ANKRD55: variants seen among roughly 807,000 people sequenced by gnomAD.
The protein encoded by ANKRD55 is ankyrin repeat domain 55.
In ANKRD55, 41 loss-of-function variants were observed where a neutral mutation model predicts 60.6. The ratio of observed to expected loss-of-function variants is 0.68; its 90% CI spans 0.53 to 0.88. ANKRD55 has a LOEUF of 0.88. Ranked by LOEUF, ANKRD55 falls within the 40% of genes least tolerant of loss-of-function variation. ANKRD55 has a pLI of 0.00. For synonymous variants in ANKRD55, 264 were observed against 290.3 expected, an observed-to-expected ratio of 0.91 and a Z score of 0.92; for missense variants, 732 against 767.6, an observed-to-expected ratio of 0.95 and a Z score of 0.55.
chr5:56,101,479 C>G (rs1190362786), intron 11 of ANKRD55, among the ~76,000 whole-genome samples: 1 of 152,048 alleles, frequency 6.6e-6, no homozygotes, highest in Admixed American at 6.6e-5. Flanking sequence ...GTAAGTATTG[C>G]TTATTTCATG....
chr5:56,203,349 A>ATTT (rs1416842335), intron 2 of ANKRD55, among the ~76,000 whole-genome samples: 1 of 151,982 alleles, frequency 6.6e-6, no homozygotes. Flanking sequence ...ATTTAATTTA[A>ATTT]TTTTATTATT....
chr5:56,154,411 A>G (rs1758140964), intron 6 of ANKRD55, among the ~76,000 whole-genome samples: 1 of 152,138 alleles, frequency 6.6e-6, no homozygotes, highest in Non-Finnish European at 1.5e-5. Flanking sequence ...TAATGAATGA[A>G]AAAGAAAGCC....
chr5:56,104,110 A>T (rs1300146246), intron 10 of ANKRD55, among the ~76,000 whole-genome samples: 3 of 152,238 alleles, frequency 2.0e-5, no homozygotes, highest in Non-Finnish European at 2.9e-5. Context: ...ATCCATGAAC[A>T]CTTGAGCAGA....
At chr5:56,149,328 TCTCA>T (rs771501652) in intron 6 of ANKRD55, among the ~76,000 whole-genome samples, 7 of 152,160 alleles carry the variant, frequency 4.6e-5, no homozygotes, top group Non-Finnish European at 1.0e-4. Flanking sequence ...CTTTAAAAAC[TCTCA>T]CTTTCTCCCT....
intron 6 of ANKRD55, among the ~76,000 whole-genome samples, chr5:56,148,219 T>G (rs1183570993): frequency 3.3e-5 from 5 of 152,192 alleles, no homozygotes; most frequent in Non-Finnish European, 4.4e-5. Context: ...GTGTCCAAGT[T>G]ATGGAGACCT....
chr5:56,164,318 T>C (rs1239420410), intron 5 of ANKRD55, among the ~76,000 whole-genome samples: 1 of 151,554 alleles, frequency 6.6e-6, no homozygotes, highest in Non-Finnish European at 1.5e-5. Context: ...CAGTGACAGG[T>C]GGGAAAAAAT....
intron 4 of ANKRD55, among the ~76,000 whole-genome samples, chr5:56,173,578 C>CTATATATA (rs1211689978): frequency 1.4e-4 from 10 of 71,662 alleles, no homozygotes; most frequent in South Asian, 6.3e-4. Context: ...CTCTCTCTCT[C>CTATATATA]TCTCTATATA....
At chr5:56,230,112 T>A (rs571735695) in intron 2 of ANKRD55, among the ~76,000 whole-genome samples, 1 of 152,306 alleles carries the variant, frequency 6.6e-6, no homozygotes, top group South Asian at 2.1e-4. Context: ...TTTTCTTTTT[T>A]TTGAGACAGA....
intron 11 of ANKRD55, 132 bp from the exon 12 acceptor site, chr5:56,100,436 G>A: frequency 9.5e-7 from 1 of 1,053,206 alleles, no homozygotes; most frequent in Non-Finnish European, 1.4e-6. Context: ...CTAGACTGCA[G>A]AGAGAAGCTG....
intron 6 of ANKRD55, among the ~76,000 whole-genome samples, chr5:56,148,217 G>C (rs1238510216): frequency 6.6e-6 from 1 of 152,212 alleles, no homozygotes; most frequent in Non-Finnish European, 1.5e-5. Context: ...CTGTGTCCAA[G>C]TTATGGAGAC....
intron 8 of ANKRD55, among the ~76,000 whole-genome samples, chr5:56,124,099 C>A (rs1242368526): frequency 6.6e-6 from 1 of 152,130 alleles, no homozygotes; most frequent in Non-Finnish European, 1.5e-5. Flanking sequence ...CAGAGAATTC[C>A]CAGAAATACA....
chr5:56,144,718 C>T (rs1424035387), intron 6 of ANKRD55, among the ~76,000 whole-genome samples: 1 of 152,156 alleles, frequency 6.6e-6, no homozygotes, highest in African/African-American at 2.4e-5. Context: ...GAGAACAGAG[C>T]TGGATAAATG....
At chr5:56,135,271 C>T (rs879823321) in intron 7 of ANKRD55, among the ~76,000 whole-genome samples, 1,902 of 120,688 alleles carry the variant, frequency 0.016, 90 homozygotes, top group Middle Eastern at 0.082. Flanking sequence ...TCTTTCCCTC[C>T]CTCCCTCCCT....
chr5:56,105,123 G>C (rs1756417203), intron 10 of ANKRD55, among the ~76,000 whole-genome samples: 1 of 144,056 alleles, frequency 6.9e-6, no homozygotes, highest in Admixed American at 7.3e-5. Flanking sequence ...GTCTCACTCT[G>C]TTTCTCAGGA....
At chr5:56,164,349 C>G (rs1758400257) in intron 5 of ANKRD55, among the ~76,000 whole-genome samples, 1 of 152,034 alleles carries the variant, frequency 6.6e-6, no homozygotes, top group South Asian at 2.1e-4. Context: ...CCAGCCGTCT[C>G]CCCTTCCTGT....
intron 7 of ANKRD55, 117 bp from the exon 8 acceptor site, chr5:56,127,223 A>T (rs1394496153): frequency 1.5e-6 from 2 of 1,328,132 alleles, no homozygotes; most frequent in Non-Finnish European, 1.9e-6. Context: ...AAGAAAAAAG[A>T]TGAAAAGAGA....
At chr5:56,208,418 T>C (rs200562436) in intron 2 of ANKRD55, among the ~76,000 whole-genome samples, 1 of 71,480 alleles carries the variant, frequency 1.4e-5, no homozygotes, top group Non-Finnish European at 2.4e-5. Flanking sequence ...AAAAAATATT[T>C]ATTTATTTAT....
chr5:56,222,808 G>A (rs192697079), intron 2 of ANKRD55, among the ~76,000 whole-genome samples: 2 of 152,130 alleles, frequency 1.3e-5, no homozygotes, highest in African/African-American at 4.8e-5. Flanking sequence ...AGAGAAAAAA[G>A]AGTAAAAAGA....
chr5:56,200,688 G>A (rs1759342629), intron 2 of ANKRD55, among the ~76,000 whole-genome samples: 1 of 152,178 alleles, frequency 6.6e-6, no homozygotes, highest in Non-Finnish European at 1.5e-5. Context: ...CCAGAAGTTA[G>A]CTTGACATTT....
Sources: allele counts gnomAD v4.1 joint callset (sites outside exome capture counted in the v4.1 genomes callset), GRCh38; gene constraint gnomAD v4.1.1; transcripts MANE v1.5; gene names NCBI Gene and HGNC (gene_info 2026-07-23, HGNC 2026-07-21).